The following DTNB variants were observed in gnomAD, a reference collection of about 807,000 sequenced individuals.
DTNB encodes the protein DTN-B.
A neutral mutation model predicts 90.7 loss-of-function variants in DTNB; 63 were observed. The observed-to-expected ratio is 0.69, with a 90% CI of 0.57 to 0.86. The LOEUF is 0.86. Among genes scored for constraint, DTNB ranks in the 40% least tolerant of loss-of-function variants. The pLI, the probability that DTNB is intolerant of heterozygous loss-of-function variation, is 0.00. For missense variants in DTNB, 744 were observed against 807.1 expected (o/e 0.92, Z 0.95); for synonymous variants, 277 against 286.7 (o/e 0.97, Z 0.34).
chr2:25,651,953 G>A (rs1265888144), intron 2 of DTNB, among the ~76,000 whole-genome samples: 1 of 152,174 alleles, frequency 6.6e-6, no homozygotes, highest in Non-Finnish European at 1.5e-5. Context: ...TCATGACAAA[G>A]GAATTTGAGG....
intron 9 of DTNB, among the ~76,000 whole-genome samples, chr2:25,509,886 G>A (rs892100205): frequency 1.3e-5 from 2 of 151,610 alleles, no homozygotes; most frequent in Non-Finnish European, 2.9e-5. Context: ...AAGTAGCTGG[G>A]ACTACAGGCA....
At chr2:25,403,643 CTA>C (rs944134657) in intron 16 of DTNB, among the ~76,000 whole-genome samples, 1 of 152,124 alleles carries the variant, frequency 6.6e-6, no homozygotes, top group Admixed American at 6.6e-5. Context: ...TTTTAAAATT[CTA>C]TGAGTCTAAT....
intron 10 of DTNB, among the ~76,000 whole-genome samples, chr2:25,466,558 GCCGAGT>G (rs1297035728): frequency 2.0e-5 from 3 of 152,178 alleles, no homozygotes; most frequent in Non-Finnish European, 2.9e-5. Context: ...AGCTCCTGTG[GCCGAGT>G]CACTCAGCCA....
intron 10 of DTNB, among the ~76,000 whole-genome samples, chr2:25,478,392 T>A (rs2064168033): frequency 6.6e-6 from 1 of 152,058 alleles, no homozygotes; most frequent in African/African-American, 2.4e-5. Context: ...AGAAGGAAAA[T>A]TCTGGACGTG....
intron 16 of DTNB, among the ~76,000 whole-genome samples, chr2:25,415,209 T>C (rs1189739221): frequency 6.6e-6 from 1 of 152,004 alleles, no homozygotes; most frequent in East Asian, 1.9e-4. Context: ...CAATATATAT[T>C]TGGTCTCCAT....
At chr2:25,543,083 A>T (rs2081631951) in intron 8 of DTNB, among the ~76,000 whole-genome samples, 1 of 152,168 alleles carries the variant, frequency 6.6e-6, no homozygotes, top group African/African-American at 2.4e-5. Flanking sequence ...AGACTTTTTA[A>T]ATATGATAAA....
chr2:25,621,700 G>T (rs1194438239), intron 4 of DTNB, among the ~76,000 whole-genome samples: 1 of 144,226 alleles, frequency 6.9e-6, no homozygotes. Context: ...CAGGTGATCC[G>T]CCTGTCTCAG....
chr2:25,501,812 TATTAA>T (rs1229217219), intron 9 of DTNB, among the ~76,000 whole-genome samples: 1 of 152,182 alleles, frequency 6.6e-6, no homozygotes, highest in Non-Finnish European at 1.5e-5. Flanking sequence ...GAATCCTGAG[TATTAA>T]ATTAAATTAA....
chr2:25,581,466 T>C (rs1163590021), intron 6 of DTNB, among the ~76,000 whole-genome samples: 2 of 152,214 alleles, frequency 1.3e-5, no homozygotes, highest in African/African-American at 4.8e-5. Flanking sequence ...GGAACCTACA[T>C]GTCCAAATGC....
At chr2:25,634,089 G>T (rs1220199945) in intron 3 of DTNB, among the ~76,000 whole-genome samples, 1 of 150,910 alleles carries the variant, frequency 6.6e-6, no homozygotes, top group Non-Finnish European at 1.5e-5. Flanking sequence ...TCAGCCAGCC[G>T]CCCCGTCCGG....
chr2:25,518,303 T>C (rs78399652), intron 9 of DTNB, among the ~76,000 whole-genome samples: 7,631 of 152,218 alleles, frequency 0.05, 289 homozygotes, highest in Non-Finnish European at 0.075. Flanking sequence ...AGTAGGATAA[T>C]GGCAAACAGG....
chr2:25,451,294 T>C (rs2059240183), intron 12 of DTNB, among the ~76,000 whole-genome samples: 1 of 152,230 alleles, frequency 6.6e-6, no homozygotes, highest in Non-Finnish European at 1.5e-5. Context: ...TGAAAGTGGA[T>C]ATCTCTGAAT....
chr2:25,499,818 C>CTG (rs1232779154), intron 9 of DTNB, among the ~76,000 whole-genome samples: 1 of 152,216 alleles, frequency 6.6e-6, no homozygotes, highest in Non-Finnish European at 1.5e-5. Context: ...TTGGAACACA[C>CTG]TGGTTGCTCA....
intron 9 of DTNB, among the ~76,000 whole-genome samples, chr2:25,498,294 C>T (rs2069493368): frequency 6.6e-6 from 1 of 152,078 alleles, no homozygotes; most frequent in East Asian, 1.9e-4. Context: ...GTGAGAAAAG[C>T]CAAGCCAACA....
At chr2:25,540,622 C>T (rs369524052) in intron 8 of DTNB, among the ~76,000 whole-genome samples, 4 of 152,016 alleles carry the variant, frequency 2.6e-5, no homozygotes, top group South Asian at 2.1e-4. Context: ...GGGGAAAAGA[C>T]TGAGAAATCG....
At chr2:25,514,215 A>G (rs1405190228) in intron 9 of DTNB, among the ~76,000 whole-genome samples, 1 of 152,190 alleles carries the variant, frequency 6.6e-6, no homozygotes, top group Non-Finnish European at 1.5e-5. Flanking sequence ...TTAAGGAGAG[A>G]TCTGAATAAC....
At chr2:25,416,672 A>C (rs1435175204) in intron 16 of DTNB, among the ~76,000 whole-genome samples, 1 of 152,162 alleles carries the variant, frequency 6.6e-6, no homozygotes, top group Non-Finnish European at 1.5e-5. Context: ...TCTCAGAAAA[A>C]AGAAAAAAAT....
intron 9 of DTNB, among the ~76,000 whole-genome samples, chr2:25,489,803 G>GA (rs1258014860): frequency 6.6e-6 from 1 of 150,808 alleles, no homozygotes; most frequent in African/African-American, 2.4e-5. Flanking sequence ...CATCAGAAAA[G>GA]AAAAAAAAAT....
chr2:25,575,247 A>C (rs535640295), intron 8 of DTNB, among the ~76,000 whole-genome samples: 1,931 of 152,028 alleles, frequency 0.013, 20 homozygotes, highest in African/African-American at 0.021. Context: ...CACACACAAA[A>C]AAAAAAAACC....
Sources: gnomAD v4.1 joint callset for allele counts (sites outside exome capture counted in the v4.1 genomes callset) on GRCh38, gnomAD v4.1.1 for gene constraint, MANE v1.5 for transcripts, NCBI Gene and HGNC (gene_info 2026-07-23, HGNC 2026-07-21) for gene names.